RB1: variants seen among roughly 807,000 people sequenced by gnomAD.
RB1 encodes retinoblastoma-associated protein.
RB1 carries 18 observed loss-of-function variants against 135.4 expected under a neutral mutation model. The ratio of observed to expected loss-of-function variants is 0.13; its 90% CI spans 0.09 to 0.20. The LOEUF (loss-of-function observed/expected upper bound fraction) is 0.20, where lower values mean the gene tolerates loss of function less well. Ranked by LOEUF, RB1 falls within the 10% of genes least tolerant of loss-of-function variation. The pLI, the probability that RB1 is intolerant of heterozygous loss-of-function variation, is 1.00. For missense variants in RB1, 868 were observed against 1,110.0 expected, an observed-to-expected ratio of 0.78 and a Z score of 3.10; for synonymous variants, 365 against 373.2, an observed-to-expected ratio of 0.98 and a Z score of 0.25.
At chr13:48,381,094 A>C (rs1007487112) in intron 16 of RB1, among the ~76,000 whole-genome samples, 153 bp from the exon 17 acceptor site, 42 of 152,230 alleles carry the variant, frequency 2.8e-4, no homozygotes, top group Middle Eastern at 3.2e-3. Flanking sequence ...GCTATTTCCT[A>C]TGAGTCCGTA....
intron 2 of RB1, among the ~76,000 whole-genome samples, chr13:48,337,601 A>G (rs1225323263): frequency 6.6e-6 from 1 of 152,272 alleles, no homozygotes; most frequent in East Asian, 1.9e-4. Context: ...TCTCCTGAAT[A>G]CAGCACACTG....
intron 17 of RB1, among the ~76,000 whole-genome samples, chr13:48,397,977 T>C (rs2138174788): frequency 6.6e-6 from 1 of 152,296 alleles, no homozygotes; most frequent in African/African-American, 2.4e-5. Flanking sequence ...TTGTTTTAAG[T>C]TATATTTTGC....
intron 17 of RB1, among the ~76,000 whole-genome samples, chr13:48,402,379 C>CCTTTTTTTT (rs1555288404): frequency 8.0e-6 from 1 of 125,718 alleles, no homozygotes; most frequent in Non-Finnish European, 1.6e-5. Flanking sequence ...TGTAGAAAAC[C>CCTTTTTTTT]TTTTTTTTTT....
At chr13:48,457,745 G>A (rs141939098) in intron 19 of RB1, among the ~76,000 whole-genome samples, 78 of 152,368 alleles carry the variant, frequency 5.1e-4, no homozygotes, top group Middle Eastern at 3.4e-3. Context: ...GGGGGCTGGC[G>A]TGTCAGCGCT....
intron 17 of RB1, among the ~76,000 whole-genome samples, chr13:48,449,699 G>A (rs895966383): frequency 6.6e-6 from 1 of 152,232 alleles, no homozygotes; most frequent in East Asian, 1.9e-4. Flanking sequence ...GCTCCAGCAC[G>A]GGTGACAGAG....
chr13:48,320,251 G>A, intron 2 of RB1: 2 of 1,148,624 alleles, frequency 1.7e-6, no homozygotes, highest in Non-Finnish European at 1.2e-6. Flanking sequence ...CTTGGCGTCT[G>A]CCCTGTGGCC....
intron 2 of RB1, among the ~76,000 whole-genome samples, chr13:48,321,431 A>C (rs76670134): frequency 0.01 from 1,509 of 149,312 alleles, 23 homozygotes; most frequent in African/African-American, 0.035. Flanking sequence ...CCTTTTTTTG[A>C]CTTTTTAATA....
chr13:48,320,455 G>A (rs747632930), intron 2 of RB1: 1 of 889,698 alleles, frequency 1.1e-6, no homozygotes, highest in Non-Finnish European at 1.8e-6. Context: ...AACCCCTGGA[G>A]TAGCGTTCCT....
chr13:48,464,919 A>C lies in RB1; in HGVS notation c.2212-79A>C, dbSNP rs540011676. On this transcript the variant is annotated intron_variant, in intron 21 of 26. Transcript: ENST00000267163. ...TAAACTATTAGAAAAGAAAATCTAA[A>C]GGTAGAAATTTTAAAATTCATTTAA... The C allele has an allele frequency of 5.9e-5, 84 of 1,433,914 alleles. No homozygotes were observed. The South Asian group carries it at 1.1e-3, about 19-fold the overall frequency. The allele number at this position is 1,433,914 out of a possible 1,614,324, so 88.8% of individuals were successfully genotyped here. A position where few individuals can be genotyped will look rare whatever the true frequency, so the allele number is the denominator to read the frequency against.
intron 6 of RB1, among the ~76,000 whole-genome samples, chr13:48,357,604 C>G (rs1169915190): frequency 1.3e-5 from 2 of 151,984 alleles, no homozygotes; most frequent in Non-Finnish European, 2.9e-5. Context: ...AAGAAGGACT[C>G]TAGATTAGCA....
Position 48,379,613 on chromosome 13 carries a change from G to A in RB1, c.1352G>A (p.Arg451His), listed in dbSNP as rs1312442837. The A allele has an allele frequency of 5.0e-6, 8 of 1,612,154 alleles. No homozygotes were observed. Among genetic ancestry groups the A allele is most frequent in the South Asian group, 3.3e-5 (3 of 90,916 alleles). Reference protein sequence around the residue: ...IGSQRYKLGVRLYYRVMESML... With the variant: ...IGSQRYKLGVHLYYRVMESML... ...TTGTAGCGATACAAACTTGGAGTTC[G>A]CTTGTATTACCGAGTAATGGAATCC... Residue 451 changes from arginine (R) to histidine (H), a missense_variant, in exon 14 of 27, where the codon CGC becomes CAC. Coordinates refer to ENST00000267163, the MANE Select transcript of RB1 (RefSeq NM_000321.3).
At position 48,362,864 on chromosome 13, in the gene RB1, TCAGAA is replaced by T. The variant is rs1566192530; in HGVS notation, c.772_776del (p.Asn258GlufsTer11). The T allele has an allele frequency of 6.2e-7, 1 of 1,613,832 alleles. No individual in the cohort carries two copies. Among genetic ancestry groups the T allele is most frequent in the Non-Finnish European group, 8.5e-7 (1 of 1,179,874 alleles). On this transcript the variant is annotated frameshift_variant, in exon 8 of 27. Transcript: ENST00000267163. LOFTEE classifies it high-confidence loss of function. The stretch of plus-strand genomic sequence containing the variant: ...GTTCACCTCGAACACCCAGGCGAGG[TCAGAA>T]CAGGAGTGCACGGATAGCAAAACAA...
intron 5 of RB1, 70 bp downstream of exon 5, chr13:48,347,933 TGATA>T: frequency 1.7e-6 from 2 of 1,209,178 alleles, no homozygotes; most frequent in Non-Finnish European, 2.4e-6. Context: ...TCAAACATCT[TGATA>T]GTTAGGGTTA....
chr13:48,435,426 A>G (rs1160302677), intron 17 of RB1, among the ~76,000 whole-genome samples: 1 of 151,778 alleles, frequency 6.6e-6, no homozygotes, highest in African/African-American at 2.4e-5. Flanking sequence ...TTTGTTTTTT[A>G]CCATTGAGTT....
At position 48,465,040 on chromosome 13, in the gene RB1, A is replaced by G. The variant is rs1555294601; in HGVS notation, c.2254A>G (p.Ile752Val). The G allele has an allele frequency of 1.3e-6, 2 of 1,577,784 alleles. No individual in the cohort carries two copies. Among genetic ancestry groups the G allele is most frequent in the Non-Finnish European group, 1.7e-6 (2 of 1,167,530 alleles). The change falls in exon 22 of 27, where the codon ATT becomes GTT. Residue 752 changes from isoleucine (I) to valine (V), a missense_variant. Transcript: ENST00000267163. The part of the protein sequence containing the change: ...VLIKEEEYDS[I>V]IVFYNSVFMQ... The stretch of plus-strand genomic sequence containing the variant: ...GATCAAAGAAGAGGAGTATGATTCT[A>G]TTATAGTATTCTATAACTCGGTCTT...
In RB1 at chr13:48,307,635, G is replaced by A. The variant is rs1213856139; in HGVS notation, c.264+229G>A. On this transcript the variant is annotated intron_variant, in intron 2 of 26. Coordinates refer to ENST00000267163, the MANE Select transcript of RB1 (RefSeq NM_000321.3). ...TTTGGGAGGCTGAGGCAGGTGGATT[G>A]CCTGAGCTCAGGAGTTCGAGACCAG... Among the ~76,000 whole-genome samples the A allele has an allele frequency of 5.6e-3, 819 of 146,912 alleles. 3 individuals carry two copies. Among genetic ancestry groups the A allele is most frequent in the Non-Finnish European group, 9.2e-3 (603 of 65,402 alleles).
At chr13:48,352,654 G>C (rs956982998) in intron 6 of RB1, among the ~76,000 whole-genome samples, 5 of 151,982 alleles carry the variant, frequency 3.3e-5, no homozygotes, top group African/African-American at 1.2e-4. Context: ...CTCTCAGCTT[G>C]GCTCTTGTTG....
At chr13:48,390,662 T>C (rs993863388) in intron 17 of RB1, among the ~76,000 whole-genome samples, 7 of 152,196 alleles carry the variant, frequency 4.6e-5, no homozygotes, top group Non-Finnish European at 1.5e-5. Flanking sequence ...AAGCATTAGA[T>C]TTGTAATGTC....
intron 17 of RB1, among the ~76,000 whole-genome samples, chr13:48,420,747 A>G (rs141100430): frequency 0.03 from 4,529 of 152,184 alleles, 194 homozygotes; most frequent in East Asian, 0.13. Flanking sequence ...ACAATAATAG[A>G]CAAACAGAGA....
Sources: gnomAD v4.1 joint callset for allele counts (sites outside exome capture counted in the v4.1 genomes callset) on GRCh38, gnomAD v4.1.1 for gene constraint, MANE v1.5 for transcripts, NCBI Gene and HGNC (gene_info 2026-07-23, HGNC 2026-07-21) for gene names.